Variants in PRKD1 observed in about 807,000 individuals in gnomAD.
The protein encoded by PRKD1 is serine/threonine-protein kinase D1.
In PRKD1, 63 loss-of-function variants were observed where a neutral mutation model predicts 95.9. That is an observed-to-expected ratio of 0.66 (90% CI 0.54 to 0.81). The LOEUF (loss-of-function observed/expected upper bound fraction) is 0.81, where lower values mean the gene tolerates loss of function less well. Among genes scored for constraint, PRKD1 ranks in the 30% least tolerant of loss-of-function variants. PRKD1 has a pLI of 0.00. For synonymous variants in PRKD1, 425 were observed against 423.1 expected, an observed-to-expected ratio of 1.00 and a Z score of -0.05; for missense variants, 1,048 against 1,165.3, an observed-to-expected ratio of 0.90 and a Z score of 1.47.
At chr14:29,589,565 G>T (rs57547164) in intron 16 of PRKD1, among the ~76,000 whole-genome samples, 1,837 of 152,078 alleles carry the variant, frequency 0.012, 32 homozygotes, top group African/African-American at 0.041. Context: ...TCACATTGCA[G>T]CAATTATAGA....
At chr14:29,827,584 C>T (rs965070107) in intron 1 of PRKD1, among the ~76,000 whole-genome samples, 1 of 152,024 alleles carries the variant, frequency 6.6e-6, no homozygotes, top group African/African-American at 2.4e-5. Context: ...CAGACAGAAT[C>T]GAAGGCTCTT....
chr14:29,629,434 A>G (rs1594376499), intron 10 of PRKD1, among the ~76,000 whole-genome samples: 1 of 152,322 alleles, frequency 6.6e-6, no homozygotes, highest in Non-Finnish European at 1.5e-5. Flanking sequence ...AAACAGGCAA[A>G]TCGTTAAAGT....
chr14:29,827,049 GAC>G (rs1891224205), intron 1 of PRKD1, among the ~76,000 whole-genome samples: 2 of 150,616 alleles, frequency 1.3e-5, no homozygotes, highest in South Asian at 4.2e-4. Flanking sequence ...GCAGAAGAAT[GAC>G]ACAATGGACT....
intron 2 of PRKD1, among the ~76,000 whole-genome samples, chr14:29,699,294 C>T (rs764097551): frequency 6.6e-6 from 1 of 152,184 alleles, no homozygotes. Flanking sequence ...TGTGAGGCTG[C>T]ATATTTCCCT....
At chr14:29,707,905 C>G (rs985705039) in intron 2 of PRKD1, among the ~76,000 whole-genome samples, 1 of 152,124 alleles carries the variant, frequency 6.6e-6, no homozygotes, top group Non-Finnish European at 1.5e-5. Context: ...TAATAGATTA[C>G]TGACCCTTCC....
chr14:29,868,106 CTTT>C (rs1892974557), intron 1 of PRKD1, among the ~76,000 whole-genome samples: 1 of 152,066 alleles, frequency 6.6e-6, no homozygotes, highest in Non-Finnish European at 1.5e-5. Context: ...CAATAACAGT[CTTT>C]TGTTTGTTTA....
intron 1 of PRKD1, among the ~76,000 whole-genome samples, chr14:29,867,279 G>A (rs1435888929): frequency 6.6e-6 from 1 of 152,190 alleles, no homozygotes; most frequent in African/African-American, 2.4e-5. Flanking sequence ...GAGTTGCAGG[G>A]AAGGCCCATT....
chr14:29,699,719 G>C (rs1169935069), intron 2 of PRKD1, among the ~76,000 whole-genome samples: 1 of 152,072 alleles, frequency 6.6e-6, no homozygotes, highest in African/African-American at 2.4e-5. Context: ...GTTCTTAACT[G>C]CTTAGAATTT....
chr14:29,727,116 T>C (rs1317407436), intron 1 of PRKD1, among the ~76,000 whole-genome samples: 1 of 152,184 alleles, frequency 6.6e-6, no homozygotes, highest in Non-Finnish European at 1.5e-5. Context: ...TGATATCTCA[T>C]TGTGGTTTTG....
chr14:29,728,275 A>C (rs1191124364), intron 1 of PRKD1, among the ~76,000 whole-genome samples: 2 of 152,256 alleles, frequency 1.3e-5, no homozygotes, highest in Non-Finnish European at 2.9e-5. Flanking sequence ...GCACTATTTT[A>C]AAAATCAACT....
chr14:29,631,093 G>C (rs1879977492), intron 9 of PRKD1, 72 bp from the exon 10 acceptor site: 41 of 1,385,380 alleles, frequency 3.0e-5, no homozygotes, highest in Non-Finnish European at 3.8e-5. Context: ...TTCATGCCAA[G>C]AACATGTGAA....
At chr14:29,632,797 T>C in intron 9 of PRKD1, 72 bp downstream of exon 9, 1 of 1,370,818 alleles carries the variant, frequency 7.3e-7, no homozygotes, top group Non-Finnish European at 1.0e-6. Context: ...GTATTTCCTA[T>C]TTCTTATACT....
chr14:29,742,049 CCA>C (rs1193856828), intron 1 of PRKD1, among the ~76,000 whole-genome samples: 4 of 152,012 alleles, frequency 2.6e-5, no homozygotes, highest in African/African-American at 4.8e-5. Flanking sequence ...AGCCAAATCC[CCA>C]AGGAAGTGGT....
chr14:29,647,794 G>A (rs897918636), intron 4 of PRKD1, among the ~76,000 whole-genome samples: 3 of 152,154 alleles, frequency 2.0e-5, no homozygotes, highest in Non-Finnish European at 2.9e-5. Flanking sequence ...AGGGGTGCAG[G>A]AGAGTTAATT....
intron 1 of PRKD1, among the ~76,000 whole-genome samples, chr14:29,737,183 G>A (rs35077117): frequency 6.6e-6 from 1 of 150,582 alleles, no homozygotes; most frequent in Non-Finnish European, 1.5e-5. Flanking sequence ...TTAGCCGGGC[G>A]CGGTGGCGGG....
At chr14:29,680,096 C>G (rs1883454809) in intron 2 of PRKD1, among the ~76,000 whole-genome samples, 1 of 152,090 alleles carries the variant, frequency 6.6e-6, no homozygotes, top group Non-Finnish European at 1.5e-5. Flanking sequence ...CACTGGTGGA[C>G]AACTTTAGTA....
chr14:29,589,830 G>T (rs139804280), intron 16 of PRKD1, among the ~76,000 whole-genome samples: 100 of 152,130 alleles, frequency 6.6e-4, no homozygotes, highest in African/African-American at 2.0e-3. Flanking sequence ...AATAAATAAA[G>T]AAATAAATAA....
chr14:29,666,310 T>C (rs1448009019), intron 2 of PRKD1, 102 bp from the exon 3 acceptor site: 13 of 1,207,642 alleles, frequency 1.1e-5, no homozygotes, highest in African/African-American at 1.5e-5. Context: ...TATAACTCCC[T>C]AGGCAAAGTT....
intron 1 of PRKD1, among the ~76,000 whole-genome samples, chr14:29,807,904 T>A (rs1355256917): frequency 6.6e-6 from 1 of 151,960 alleles, no homozygotes; most frequent in Non-Finnish European, 1.5e-5. Context: ...GTATTTCTAG[T>A]ATAGACGGGA....
Sources: gnomAD v4.1 joint callset for allele counts (sites outside exome capture counted in the v4.1 genomes callset) on GRCh38, gnomAD v4.1.1 for gene constraint, MANE v1.5 for transcripts, NCBI Gene and HGNC (gene_info 2026-07-23, HGNC 2026-07-21) for gene names.